The following CSNK1G1 variants were observed in gnomAD, a reference collection of about 807,000 sequenced individuals.
The protein encoded by CSNK1G1 is casein kinase 1 gamma 1.
A neutral mutation model predicts 59.6 loss-of-function variants in CSNK1G1; 22 were observed. The observed-to-expected ratio is 0.37, with a 90% CI of 0.26 to 0.53. The LOEUF is 0.53. Among genes scored for constraint, CSNK1G1 ranks in the 20% least tolerant of loss-of-function variants. CSNK1G1 has a pLI of 0.89. For synonymous variants in CSNK1G1, 179 were observed against 177.1 expected, an observed-to-expected ratio of 1.01 and a Z score of -0.08; for missense variants, 384 against 519.5, an observed-to-expected ratio of 0.74 and a Z score of 2.54.
chr15:64,199,042 G>C (rs2082072530), intron 10 of CSNK1G1, among the ~76,000 whole-genome samples: 1 of 149,094 alleles, frequency 6.7e-6, no homozygotes, highest in Admixed American at 6.7e-5. Context: ...AGGAATTTGA[G>C]AACAGCCTGA....
At chr15:64,174,704 C>T (rs1017489265) in intron 11 of CSNK1G1, among the ~76,000 whole-genome samples, 1 of 152,202 alleles carries the variant, frequency 6.6e-6, no homozygotes, top group Admixed American at 6.5e-5. Context: ...GCCTCTGACC[C>T]ACTACCTTTT....
intron 2 of CSNK1G1, among the ~76,000 whole-genome samples, chr15:64,268,070 C>A (rs1037703018): frequency 6.6e-6 from 1 of 151,896 alleles, no homozygotes; most frequent in Non-Finnish European, 1.5e-5. Context: ...TTGACAATAG[C>A]CAAGATATGA....
chr15:64,181,143 G>A, intron 10 of CSNK1G1: 6 of 1,475,084 alleles, frequency 4.1e-6, no homozygotes, highest in Non-Finnish European at 5.4e-6. Flanking sequence ...CGACAAGAGG[G>A]AAGATGGTAA....
chr15:64,300,750 G>A, intron 1 of CSNK1G1, 27 bp from the exon 2 acceptor site: 2 of 1,219,676 alleles, frequency 1.6e-6, no homozygotes, highest in Non-Finnish European at 2.1e-6. Flanking sequence ...AAAACATGTA[G>A]TTAAAAATTA....
At chr15:64,313,945 A>C (rs1896134096) in intron 1 of CSNK1G1, among the ~76,000 whole-genome samples, 1 of 151,958 alleles carries the variant, frequency 6.6e-6, no homozygotes, top group African/African-American at 2.4e-5. Flanking sequence ...TCCACTGAGG[A>C]TATAACAGTG....
At chr15:64,261,348 C>A (rs1892677803) in intron 2 of CSNK1G1, among the ~76,000 whole-genome samples, 1 of 152,158 alleles carries the variant, frequency 6.6e-6, no homozygotes, top group Non-Finnish European at 1.5e-5. Flanking sequence ...TGCCTGTAAT[C>A]CCAGCACTTT....
Position 64,171,790 on chromosome 15 carries a change from C to G in CSNK1G1, c.*141G>C. ...CCCTGGCTGCCCGCACTGGCCCCTT[C>G]TGGGGGCATCTGTTTTCTTCTTTTT... On this transcript the variant is annotated 3_prime_UTR_variant, in exon 12 of 12. Coordinates refer to ENST00000303052, the MANE Select transcript of CSNK1G1 (RefSeq NM_022048.5). The surrounding 1 kb of genome is among the most constrained non-coding windows in gnomAD (Gnocchi z 4.8). 1 of 769,672 alleles carries G rather than the reference C, an allele frequency of 1.3e-6. No homozygotes were observed. The highest frequency in any genetic ancestry group is 2.2e-6 in the Non-Finnish European group (1 of 445,588). The allele number at this position is 769,672 out of a possible 1,614,324, so 47.7% of individuals were successfully genotyped here.
rs867937479 is a variant in CSNK1G1, at chr15:64,341,194, A to C, written c.-225+14794T>G. Among the ~76,000 whole-genome samples, 9 of 13,670 alleles carry C rather than the reference A, an allele frequency of 6.6e-4. 3 individuals are homozygous for C. Among genetic ancestry groups the C allele is most frequent in the Non-Finnish European group, 5.1e-3 (6 of 1,166 alleles). 9.0% of individuals were successfully genotyped at this position (13,670 alleles called of 152,430 possible). A position where few individuals can be genotyped will look rare whatever the true frequency, so the allele number is the denominator to read the frequency against. The stretch of plus-strand genomic sequence containing the variant: ...GTAATTTTTTGTATTTTTAGTAGAG[A>C]CGGGGTTTCACCTTGTTAGCCAGGA... On this transcript the variant is annotated intron_variant, in intron 1 of 11. Transcript: ENST00000303052.
chr15:64,191,006 C>G (rs985173720), intron 10 of CSNK1G1, among the ~76,000 whole-genome samples: 2 of 152,076 alleles, frequency 1.3e-5, no homozygotes, highest in African/African-American at 4.8e-5. Flanking sequence ...TTCTATAATA[C>G]ATACTAAATG....
chr15:64,198,455 C>T, intron 10 of CSNK1G1, among the ~76,000 whole-genome samples: 1 of 151,952 alleles, frequency 6.6e-6, no homozygotes, highest in East Asian at 1.9e-4. Context: ...ATCCACCCGC[C>T]TCAGCCTTCC....
At chr15:64,186,728 A>C (rs975928923) in intron 10 of CSNK1G1, among the ~76,000 whole-genome samples, 4 of 152,094 alleles carry the variant, frequency 2.6e-5, no homozygotes, top group Middle Eastern at 3.2e-3. Context: ...AGGATGGTCA[A>C]GAACTCCTGG....
intron 4 of CSNK1G1, among the ~76,000 whole-genome samples, chr15:64,247,378 T>C (rs1010754703): frequency 3.3e-5 from 5 of 152,204 alleles, no homozygotes; most frequent in African/African-American, 1.2e-4. Flanking sequence ...GAAAAAATGA[T>C]AGCTAACAGG....
intron 1 of CSNK1G1, among the ~76,000 whole-genome samples, chr15:64,301,598 G>A (rs1461133084): frequency 1.3e-5 from 2 of 152,092 alleles, no homozygotes; most frequent in Admixed American, 1.3e-4. Context: ...AAACTTAAGT[G>A]AAAAGAAGGC....
At chr15:64,258,039 C>T (rs1892482532) in intron 3 of CSNK1G1, among the ~76,000 whole-genome samples, 1 of 152,170 alleles carries the variant, frequency 6.6e-6, no homozygotes, top group Admixed American at 6.5e-5. Context: ...CCTCACAAGA[C>T]AACCCTAACT....
At chr15:64,268,959 T>G (rs1457232697) in intron 2 of CSNK1G1, among the ~76,000 whole-genome samples, 1 of 152,092 alleles carries the variant, frequency 6.6e-6, no homozygotes, top group Non-Finnish European at 1.5e-5. Context: ...CTATATTTGT[T>G]TTTGCACTGC....
chr15:64,181,308 T>A, intron 10 of CSNK1G1: 37 of 1,536,142 alleles, frequency 2.4e-5, no homozygotes, highest in Non-Finnish European at 3.1e-5. Flanking sequence ...TTCTCTTGCA[T>A]GTGTAGCTGC....
At chr15:64,173,987 A>G (rs556777868) in intron 11 of CSNK1G1, among the ~76,000 whole-genome samples, 143 of 152,330 alleles carry the variant, frequency 9.4e-4, no homozygotes, top group African/African-American at 3.1e-3. Flanking sequence ...AATTAACAAT[A>G]AAAGAGGCAA....
chr15:64,195,437 T>C (rs1341204844), intron 10 of CSNK1G1, among the ~76,000 whole-genome samples: 1 of 152,212 alleles, frequency 6.6e-6, no homozygotes, highest in Non-Finnish European at 1.5e-5. Flanking sequence ...AATGTTTATG[T>C]AGCATTTACG....
intron 3 of CSNK1G1, among the ~76,000 whole-genome samples, chr15:64,258,008 C>G (rs1324097826): frequency 3.3e-5 from 5 of 152,238 alleles, no homozygotes; most frequent in Admixed American, 3.3e-4. Flanking sequence ...TGTAGGGAAA[C>G]AAATCTGGTA....
Sources: allele counts gnomAD v4.1 joint callset (sites outside exome capture counted in the v4.1 genomes callset), GRCh38; gene constraint gnomAD v4.1.1; non-coding constraint Gnocchi (gnomAD v3.1); transcripts MANE v1.5; gene names NCBI Gene and HGNC (gene_info 2026-07-23, HGNC 2026-07-21).